The following ORC3 variants were observed in gnomAD, a reference collection of about 807,000 sequenced individuals.
The protein encoded by ORC3 is homolog of latheo, Drosophila.
A neutral mutation model predicts 100.7 loss-of-function variants in ORC3; 78 were observed. That is an observed-to-expected ratio of 0.77 (90% CI 0.65 to 0.94). ORC3 has a LOEUF of 0.94. ORC3 is among the 40% of genes least tolerant of loss of function. The pLI is 0.00. For synonymous variants in ORC3, 295 were observed against 289.3 expected, an observed-to-expected ratio of 1.02 and a Z score of -0.20; for missense variants, 789 against 823.9, an observed-to-expected ratio of 0.96 and a Z score of 0.52.
chr6:87,608,668 A>G (rs1778521112), intron 6 of ORC3, among the ~76,000 whole-genome samples: 1 of 152,208 alleles, frequency 6.6e-6, no homozygotes, highest in Non-Finnish European at 1.5e-5. Flanking sequence ...GATGATACCT[A>G]GTATCCATTT....
chr6:87,670,265 A>T (rs1289083793), downstream of ORC3, among the ~76,000 whole-genome samples: 3 of 152,152 alleles, frequency 2.0e-5, no homozygotes, highest in Non-Finnish European at 4.4e-5. Flanking sequence ...TCCTGGGTTC[A>T]AGCCATTCTC....
intron 13 of ORC3, among the ~76,000 whole-genome samples, chr6:87,650,611 T>C (rs1474329042): frequency 6.6e-6 from 1 of 152,232 alleles, no homozygotes; most frequent in African/African-American, 2.4e-5. Flanking sequence ...TTATTTCTAA[T>C]CAGCCTTATC....
intron 5 of ORC3, 127 bp downstream of exon 5, chr6:87,606,148 G>C (rs1325175317): frequency 1.7e-6 from 1 of 579,738 alleles, no homozygotes; most frequent in African/African-American, 1.9e-5. Flanking sequence ...GTTTTAGGCA[G>C]GGTGAGGTTT....
At position 87,667,016 on chromosome 6, in the gene ORC3, A is replaced by G; in HGVS notation, c.2031-2A>G. ...GCCAGTTTCCTTAATTAAAGCCTCC[A>G]GTGCTCGGTTTATTAGAGCTGTTTC... On this transcript the variant is annotated splice_acceptor_variant, in intron 19 of 19. Transcript: ENST00000392844. LOFTEE classifies it high-confidence loss of function. The G allele has an allele frequency of 6.3e-7, 1 of 1,592,110 alleles. No homozygotes were observed. Among genetic ancestry groups the G allele is most frequent in the Non-Finnish European group, 8.6e-7 (1 of 1,168,038 alleles).
chr6:87,674,218 C>T, the ORC3 span, among the ~76,000 whole-genome samples: 1 of 144,276 alleles, frequency 6.9e-6, no homozygotes, highest in Non-Finnish European at 1.5e-5. Context: ...AGGAGAATCG[C>T]TTGAACCTGG....
At chr6:87,629,129 C>T (rs1417382421) in intron 11 of ORC3, among the ~76,000 whole-genome samples, 2 of 152,130 alleles carry the variant, frequency 1.3e-5, no homozygotes, top group South Asian at 4.1e-4. Flanking sequence ...TATGCTAAGT[C>T]TGGAAAACAC....
Position 87,645,990 on chromosome 6 carries a change from T to C in ORC3, c.1383-7126T>C, listed in dbSNP as rs900039599. On this transcript the variant is annotated intron_variant, in intron 13 of 19. Transcript: ENST00000392844. ...TAATTTTTTCTTTTTTTTTCTTTTT[T>C]TTTTCTTTTTTTTTGAGGCGGAGTC... Among the ~76,000 whole-genome samples the C allele has an allele frequency of 8.3e-5, 12 of 145,378 alleles. No individual in the cohort carries two copies. In the South Asian group the frequency reaches 1.1e-3, roughly 13 times the overall value.
At chr6:87,670,138 A>G (rs115285117), downstream of ORC3, among the ~76,000 whole-genome samples, 675 of 152,224 alleles carry the variant, frequency 4.4e-3, 10 homozygotes, top group African/African-American at 0.015. Flanking sequence ...TTTCCTCACT[A>G]AAGATTATGT....
chr6:87,657,072 G>A, intron 15 of ORC3, 90 bp downstream of exon 15: 1 of 879,484 alleles, frequency 1.1e-6, no homozygotes, highest in Non-Finnish European at 1.9e-6. Flanking sequence ...GGATGTTTTT[G>A]TTTTCATTTT....
At chr6:87,619,256 G>A (rs576411964) in intron 9 of ORC3, among the ~76,000 whole-genome samples, 2 of 152,206 alleles carry the variant, frequency 1.3e-5, no homozygotes, top group African/African-American at 2.4e-5. Context: ...AGAAAGTAAA[G>A]GACATTAACC....
intron 3 of ORC3, among the ~76,000 whole-genome samples, chr6:87,602,966 T>TACACATATATA (rs1778063534): frequency 1.8e-5 from 1 of 57,138 alleles, no homozygotes; most frequent in African/African-American, 7.2e-5. Flanking sequence ...TATATATATA[T>TACACATATATA]ATATACATAT....
chr6:87,654,380 T>A lies in ORC3; in HGVS notation c.1516+1131T>A, dbSNP rs1031112195. On this transcript the variant is annotated intron_variant, in intron 14 of 19. Transcript: ENST00000392844. ...CACTAAGGGATTTTCTTTCAGGTTATGTGTGGGCATTGCTCTTGCCACTGC... is the reference window on the plus strand; with the variant it reads ...CACTAAGGGATTTTCTTTCAGGTTAAGTGTGGGCATTGCTCTTGCCACTGC... Among the ~76,000 whole-genome samples, 3 of 152,244 alleles carry A rather than the reference T, an allele frequency of 2.0e-5. No homozygotes were observed. The East Asian group carries it at 5.8e-4, about 29-fold the overall frequency.
intron 2 of ORC3, among the ~76,000 whole-genome samples, chr6:87,598,529 G>A (rs189080380): frequency 2.0e-3 from 299 of 152,178 alleles, no homozygotes; most frequent in African/African-American, 7.0e-3. Flanking sequence ...ATAAGGCCAA[G>A]TTTCTATTTA....
chr6:87,593,096 AAAAC>A lies in ORC3; in HGVS notation c.25-1241_25-1238del, dbSNP rs780637595. Among the ~76,000 whole-genome samples, 8 of 152,314 alleles carry A rather than the reference AAAAC, an allele frequency of 5.3e-5. No homozygotes were observed. The East Asian group carries it at 7.7e-4, about 15-fold the overall frequency. ...CGACAGAGCGAGACTCTGTCTCAAA[AAAAC>A]AAACAAACAAACAAAAAAAAACTAT... On this transcript the variant is annotated intron_variant, in intron 1 of 19. Coordinates refer to ENST00000392844, the MANE Select transcript of ORC3 (RefSeq NM_012381.4).
intron 2 of ORC3, chr6:87,595,282 A>G (rs1231825154): frequency 6.6e-6 from 1 of 152,156 alleles, no homozygotes; most frequent in African/African-American, 2.4e-5. Flanking sequence ...CTGCTGTTTA[A>G]CCTTTCCCTA....
chr6:87,676,447 CAAAAAAAA>C, the ORC3 span, among the ~76,000 whole-genome samples: 3 of 41,916 alleles, frequency 7.2e-5, no homozygotes, highest in Non-Finnish European at 1.3e-4. Context: ...GCCTGGGCAA[CAAAAAAAA>C]AAAAAAAAAA....
rs559902533 is a variant in ORC3, at chr6:87,623,755, A to G, written c.1185+1742A>G. Among the ~76,000 whole-genome samples, 3 of 152,194 alleles carry G rather than the reference A, an allele frequency of 2.0e-5. No homozygotes were observed. In the South Asian group the frequency reaches 6.2e-4, roughly 32 times the overall value. On this transcript the variant is annotated intron_variant, in intron 11 of 19. Coordinates refer to ENST00000392844, the MANE Select transcript of ORC3 (RefSeq NM_012381.4). ...AAAAATTAGCTGGGCGTGGTAGCGC[A>G]TGCCTGTAGTCCCAGCTACTCAGGA...
chr6:87,602,905 T>TTATATATATTATATATATTA (rs1554236420), intron 3 of ORC3, among the ~76,000 whole-genome samples: 1 of 133,146 alleles, frequency 7.5e-6, no homozygotes, highest in African/African-American at 2.9e-5. Flanking sequence ...CATATATATA[T>TTATATATATTATATATATTA]TATATATTAT....
At chr6:87,607,508 C>A (rs1396997854) in intron 5 of ORC3, among the ~76,000 whole-genome samples, 165 bp from the exon 6 acceptor site, 2 of 151,754 alleles carry the variant, frequency 1.3e-5, no homozygotes, top group African/African-American at 4.8e-5. Context: ...TAATGAGCAT[C>A]AGTAGTTAAT....
Sources: allele counts gnomAD v4.1 joint callset (sites outside exome capture counted in the v4.1 genomes callset), GRCh38; gene constraint gnomAD v4.1.1; transcripts MANE v1.5; gene names NCBI Gene and HGNC (gene_info 2026-07-23, HGNC 2026-07-21).